Variants in TTC7A observed in about 807,000 individuals in gnomAD.
TTC7A encodes tetratricopeptide repeat domain 7A, also known as tetratricopeptide repeat protein 7A.
Under a neutral mutation model 103.7 loss-of-function variants are expected in TTC7A, and 110 were observed. The observed-to-expected ratio is 1.06, with a 90% CI of 0.91 to 1.24. The LOEUF is 1.24. Among genes scored for constraint, TTC7A ranks in the 50% most tolerant of loss-of-function variants. The pLI is 0.00. For missense variants in TTC7A, 1,340 were observed against 1,116.3 expected, an observed-to-expected ratio of 1.20 and a Z score of -2.86; for synonymous variants, 521 against 467.9, an observed-to-expected ratio of 1.11 and a Z score of -1.47.
intron 14 of TTC7A, 60 bp downstream of exon 14, chr2:47,024,419 A>G: frequency 1.4e-6 from 2 of 1,456,868 alleles, no homozygotes; most frequent in Non-Finnish European, 1.9e-6. Flanking sequence ...TCTCCTGGAA[A>G]CCCAGCTTAC....
At chr2:46,982,022 G>A (rs1302468150) in intron 5 of TTC7A, among the ~76,000 whole-genome samples, 1 of 152,180 alleles carries the variant, frequency 6.6e-6, no homozygotes, top group Non-Finnish European at 1.5e-5. Flanking sequence ...TCTCCACCCT[G>A]CCCTTGCGGT....
At chr2:47,063,357 C>T (rs911901998) in intron 19 of TTC7A, among the ~76,000 whole-genome samples, 2 of 152,214 alleles carry the variant, frequency 1.3e-5, no homozygotes, top group Admixed American at 6.5e-5. Context: ...GAGTATCTCA[C>T]CCCCCTTCAG....
intron 3 of TTC7A, among the ~76,000 whole-genome samples, chr2:46,964,785 G>C (rs543143535): frequency 1.3e-5 from 2 of 152,252 alleles, no homozygotes; most frequent in Admixed American, 6.5e-5. Flanking sequence ...CATTTCTCTA[G>C]CACTAGCTCA....
intron 19 of TTC7A, among the ~76,000 whole-genome samples, chr2:47,067,496 G>C (rs1374577429): frequency 6.6e-6 from 1 of 152,222 alleles, no homozygotes; most frequent in Non-Finnish European, 1.5e-5. Flanking sequence ...GGGAGTGCCT[G>C]GCAGAGACAG....
chr2:46,927,792 A>G (rs1387119984), intron 2 of TTC7A, among the ~76,000 whole-genome samples: 1 of 151,682 alleles, frequency 6.6e-6, no homozygotes, highest in Admixed American at 6.6e-5. Context: ...CAGCTAAAAT[A>G]TCCTTCAAGA....
intron 11 of TTC7A, among the ~76,000 whole-genome samples, chr2:47,014,165 C>G (rs909892597): frequency 2.0e-5 from 3 of 152,184 alleles, no homozygotes; most frequent in South Asian, 4.1e-4. Context: ...TTATGTGGTG[C>G]ATGACTTCCC....
At chr2:46,979,427 T>G (rs1405540125) in intron 5 of TTC7A, among the ~76,000 whole-genome samples, 1 of 152,146 alleles carries the variant, frequency 6.6e-6, no homozygotes, top group African/African-American at 2.4e-5. Flanking sequence ...GCTGGGGCTG[T>G]GGCTGTCCCT....
At position 47,068,257 on chromosome 2, in the gene TTC7A, G is replaced by T. The variant is rs1233931073; in HGVS notation, c.2356-5445G>T. On this transcript the variant is annotated intron_variant, in intron 19 of 19. Transcript: ENST00000319190. Reference sequence around the variant, plus strand: ...CATTTTGGAGGTGCCCTGACACTGGGTGGGGCTCAGTGCACAAACAGCAGG... The same window carrying T: ...CATTTTGGAGGTGCCCTGACACTGGTTGGGGCTCAGTGCACAAACAGCAGG... The T allele has an allele frequency of 3.3e-5, 5 of 152,320 alleles. No individual in the cohort carries two copies. The East Asian group carries it at 7.7e-4, about 24-fold the overall frequency. The allele number at this position is 152,320 out of a possible 1,614,324, so 9.4% of individuals were successfully genotyped here. A position where few individuals can be genotyped will look rare whatever the true frequency, so the allele number is the denominator to read the frequency against.
intron 15 of TTC7A, among the ~76,000 whole-genome samples, chr2:47,038,056 G>A (rs991692887): frequency 2.6e-5 from 4 of 152,010 alleles, no homozygotes; most frequent in African/African-American, 9.7e-5. Context: ...TTTGAGACCA[G>A]CCTGACCAAC....
chr2:46,963,561 C>T (rs766710061), intron 3 of TTC7A, among the ~76,000 whole-genome samples: 5 of 152,236 alleles, frequency 3.3e-5, no homozygotes, highest in Non-Finnish European at 5.9e-5. Context: ...ATTTTCCCCT[C>T]GGACATCATG....
intron 19 of TTC7A, among the ~76,000 whole-genome samples, chr2:47,071,505 G>C (rs1483735828): frequency 6.6e-6 from 1 of 152,198 alleles, no homozygotes; most frequent in Non-Finnish European, 1.5e-5. Context: ...TTTTCAAGTT[G>C]ATCATTGCAG....
At chr2:47,029,495 C>A in intron 15 of TTC7A, 111 bp downstream of exon 15, 1 of 1,210,746 alleles carries the variant, frequency 8.3e-7, no homozygotes, top group Non-Finnish European at 1.2e-6. Context: ...GAAGTAAGCA[C>A]CCGCTGCATG....
upstream of TTC7A, among the ~76,000 whole-genome samples, chr2:46,937,675 T>G (rs933110572): frequency 3.3e-5 from 5 of 152,176 alleles, no homozygotes; most frequent in Non-Finnish European, 7.3e-5. This position sits in a 1 kb window ranked among gnomAD's most constrained non-coding sequence, Gnocchi z 4.0. Flanking sequence ...TGGACTCAAG[T>G]GATTCTCCCA....
At chr2:46,970,783 C>T (rs1673284497) in intron 3 of TTC7A, among the ~76,000 whole-genome samples, 1 of 152,226 alleles carries the variant, frequency 6.6e-6, no homozygotes, top group South Asian at 2.1e-4. Flanking sequence ...CCTCTTCCCC[C>T]TTTAGTCCTC....
chr2:47,051,817 T>G lies in TTC7A; in HGVS notation c.2089T>G (p.Ser697Ala), dbSNP rs751505613. The change falls in exon 18 of 20, where the codon TCG becomes GCG. Residue 697 changes from serine (S) to alanine (A), a missense_variant. Physicochemically the swap from Ser to Ala is moderately conservative, Grantham distance 99 (BLOSUM62 1). Transcript: ENST00000319190. ...EAMSELTMPS[S>A]VLKQGPMQLW... ...CATGTCAGAGCTGACTATGCCCTCTTCGGTCCTGAAGCAGGGCCCCATGCA... is the reference window on the plus strand; with the variant it reads ...CATGTCAGAGCTGACTATGCCCTCTGCGGTCCTGAAGCAGGGCCCCATGCA... 1 of 1,612,196 alleles carries G rather than the reference T, an allele frequency of 6.2e-7. No homozygotes were observed. The highest frequency in any genetic ancestry group is 1.7e-5 in the Admixed American group (1 of 60,022).
chr2:46,969,658 G>A (rs377615116), intron 3 of TTC7A, among the ~76,000 whole-genome samples: 6 of 151,918 alleles, frequency 3.9e-5, no homozygotes, highest in Admixed American at 6.6e-5. Context: ...TGATCCGTCC[G>A]CCTCGGCCTC....
In TTC7A at chr2:47,074,069, T is replaced by A; in HGVS notation, c.*146T>A. ...ACGCCTCTGCAGCTGCAGCCCTCGTTCTCTTGGCTGGGCCAAGAGGGCCTT... is the reference window on the plus strand; with the variant it reads ...ACGCCTCTGCAGCTGCAGCCCTCGTACTCTTGGCTGGGCCAAGAGGGCCTT... On this transcript the variant is annotated 3_prime_UTR_variant, in exon 20 of 20. Coordinates refer to ENST00000319190, the MANE Select transcript of TTC7A (RefSeq NM_020458.4). 1 of 646,346 alleles carries A rather than the reference T, an allele frequency of 1.5e-6. No individual in the cohort carries two copies. Among genetic ancestry groups the A allele is most frequent in the East Asian group, 2.7e-5 (1 of 36,506 alleles). 40.0% of individuals were successfully genotyped at this position (646,346 alleles called of 1,614,324 possible).
chr2:46,917,802 T>C (rs1668892725), intron 2 of TTC7A, among the ~76,000 whole-genome samples: 1 of 152,232 alleles, frequency 6.6e-6, no homozygotes, highest in Non-Finnish European at 1.5e-5. Flanking sequence ...CAACACTGTT[T>C]TATCAAAGCC....
intron 16 of TTC7A, among the ~76,000 whole-genome samples, chr2:47,048,183 A>G (rs2104712114): frequency 6.6e-6 from 1 of 152,188 alleles, no homozygotes; most frequent in East Asian, 1.9e-4. Flanking sequence ...AGCCTCTAAA[A>G]TGCTTCATTC....
Sources: gnomAD v4.1 joint callset for allele counts (sites outside exome capture counted in the v4.1 genomes callset) on GRCh38, gnomAD v4.1.1 for gene constraint, Gnocchi (gnomAD v3.1) non-coding constraint, MANE v1.5 for transcripts, NCBI Gene and HGNC (gene_info 2026-07-23, HGNC 2026-07-21) for gene names.